ARHGEF12: variants seen among roughly 807,000 people sequenced by gnomAD.
ARHGEF12 encodes Rho guanine nucleotide exchange factor 12.
In ARHGEF12, 66 loss-of-function variants were observed where a neutral mutation model predicts 211.2. The observed-to-expected ratio is 0.31, with a 90% CI of 0.26 to 0.38. The LOEUF is 0.38. Ranked by LOEUF, ARHGEF12 falls within the 10% of genes least tolerant of loss-of-function variation. The probability of loss-of-function intolerance (pLI) is 1.00; values close to 1 mark genes in which losing one functional copy is unlikely to be tolerated. For synonymous variants in ARHGEF12, 592 were observed against 638.4 expected (o/e 0.93, Z 1.09); for missense variants, 1,429 against 1,869.5 (o/e 0.76, Z 4.34).
At chr11:120,453,321 G>A (rs1021157774) in intron 22 of ARHGEF12, among the ~76,000 whole-genome samples, 1 of 152,204 alleles carries the variant, frequency 6.6e-6, no homozygotes, top group African/African-American at 2.4e-5. Context: ...AACATGGTAG[G>A]TGGCGGATGA....
At chr11:120,474,094 G>A (rs1016417486) in intron 31 of ARHGEF12, among the ~76,000 whole-genome samples, 1 of 152,150 alleles carries the variant, frequency 6.6e-6, no homozygotes, top group Non-Finnish European at 1.5e-5. Context: ...TTAATATTTA[G>A]ACCAAGTCTG....
chr11:120,474,725 C>G (rs1946978611), intron 32 of ARHGEF12, 90 bp downstream of exon 32: 1 of 974,438 alleles, frequency 1.0e-6, no homozygotes, highest in Admixed American at 2.5e-5. Flanking sequence ...GAGGAGAGAA[C>G]CATTCTCTCA....
intron 1 of ARHGEF12, among the ~76,000 whole-genome samples, chr11:120,353,205 G>A (rs371915265): frequency 3.9e-5 from 6 of 152,202 alleles, no homozygotes; most frequent in African/African-American, 1.2e-4. Flanking sequence ...AGCATACAGG[G>A]TCATCAATCT....
intron 11 of ARHGEF12, among the ~76,000 whole-genome samples, chr11:120,433,476 G>C (rs995507163): frequency 2.0e-5 from 3 of 152,100 alleles, no homozygotes; most frequent in East Asian, 1.9e-4. Context: ...TTCATGGCTT[G>C]TCCCTACCAT....
At chr11:120,365,184 G>GTATA (rs527262617) in intron 1 of ARHGEF12, among the ~76,000 whole-genome samples, 1 of 151,646 alleles carries the variant, frequency 6.6e-6, no homozygotes, top group South Asian at 2.1e-4. Context: ...TTAACTATGT[G>GTATA]TATATATATA....
chr11:120,445,344 C>G (rs956518563), intron 15 of ARHGEF12, 78 bp from the exon 16 acceptor site: 10 of 1,454,760 alleles, frequency 6.9e-6, no homozygotes, highest in Non-Finnish European at 9.7e-6. Context: ...GTTGTATCCC[C>G]TTACTTTACA....
At chr11:120,479,686 G>T (rs887800860) in intron 37 of ARHGEF12, among the ~76,000 whole-genome samples, 5 of 152,136 alleles carry the variant, frequency 3.3e-5, no homozygotes, top group African/African-American at 4.8e-5. Flanking sequence ...CTAAATAGTA[G>T]TATCTCCCTA....
At chr11:120,461,910 G>T (rs1181502333) in intron 27 of ARHGEF12, among the ~76,000 whole-genome samples, 1 of 152,200 alleles carries the variant, frequency 6.6e-6, no homozygotes, top group Non-Finnish European at 1.5e-5. Context: ...GAATTGAAGA[G>T]AATTAGGGGC....
intron 1 of ARHGEF12, among the ~76,000 whole-genome samples, chr11:120,340,614 AAAAG>A (rs1007130262): frequency 2.6e-5 from 4 of 152,210 alleles, no homozygotes; most frequent in African/African-American, 9.7e-5. Context: ...GATTAAAAAA[AAAAG>A]AGCTACTCAT....
intron 4 of ARHGEF12, among the ~76,000 whole-genome samples, chr11:120,420,534 A>G (rs746231497): frequency 2.6e-4 from 39 of 152,180 alleles, no homozygotes; most frequent in Non-Finnish European, 4.6e-4. Flanking sequence ...GAGCAATTCT[A>G]TTATACTCCG....
At chr11:120,425,238 A>G (rs539591513) in intron 7 of ARHGEF12, among the ~76,000 whole-genome samples, 3 of 152,036 alleles carry the variant, frequency 2.0e-5, no homozygotes, top group African/African-American at 7.2e-5. Flanking sequence ...GGTCATCTGA[A>G]TCTGAGTCAG....
chr11:120,461,738 T>C (rs916278585), intron 27 of ARHGEF12, among the ~76,000 whole-genome samples: 8 of 152,216 alleles, frequency 5.3e-5, no homozygotes, highest in Admixed American at 4.6e-4. Flanking sequence ...CAGGTACGTC[T>C]TCTGGATAAC....
In ARHGEF12 at chr11:120,403,518, GAAA is replaced by G. The variant is rs71473104; in HGVS notation, c.33-2590_33-2588del. On this transcript the variant is annotated intron_variant, in intron 1 of 40. Coordinates refer to ENST00000397843, the MANE Select transcript of ARHGEF12 (RefSeq NM_015313.3). The stretch of plus-strand genomic sequence containing the variant: ...CGAGACTTAATCGAAAAAAGAAAAG[GAAA>G]AAAAAAAAAGGCATCTAGCCACCAT... Among the ~76,000 whole-genome samples the G allele has an allele frequency of 2.7e-3, 367 of 136,660 alleles. 2 individuals are homozygous for G. The highest frequency in any genetic ancestry group is 9.3e-3 in the African/African-American group (347 of 37,510). The allele number at this position is 136,660 out of a possible 152,430, so 89.7% of individuals were successfully genotyped here.
Position 120,433,681 on chromosome 11 carries a change from C to T in ARHGEF12, c.924+1770C>T, listed in dbSNP as rs56676073. Among the ~76,000 whole-genome samples, 386 of 152,222 alleles carry T rather than the reference C, an allele frequency of 2.5e-3. 1 individual carries two copies. The highest frequency in any genetic ancestry group is 8.7e-3 in the African/African-American group (360 of 41,534). On this transcript the variant is annotated intron_variant, in intron 11 of 40. Coordinates refer to ENST00000397843, the MANE Select transcript of ARHGEF12 (RefSeq NM_015313.3). Reference sequence around the variant, plus strand: ...ATAAAAGAGTGAATTGTTGGCTGGGCGCCGTGGATCACGCCTGTAATCCCA... The same window carrying T: ...ATAAAAGAGTGAATTGTTGGCTGGGTGCCGTGGATCACGCCTGTAATCCCA...
At position 120,478,364 on chromosome 11, in the gene ARHGEF12, G is replaced by T. The variant is rs1268565387; in HGVS notation, c.3741G>T (p.Arg1247=). The change falls in exon 37 of 41, where the codon CGG becomes CGT. Residue 1247 remains arginine (R), a synonymous_variant. Coordinates refer to ENST00000397843, the MANE Select transcript of ARHGEF12 (RefSeq NM_015313.3). ...CACACCTGCCTGTCTCAGAAGAACG[G>T]TGGGCATTGGATGCACTAAGAAATT... ...PDSHLPVSEE[R]WALDALRNLG... is the part of the protein sequence containing the mutation. 4 of 1,614,196 alleles carry T rather than the reference G, an allele frequency of 2.5e-6. No individual in the cohort carries two copies. In the African/African-American group the frequency reaches 4.0e-5, roughly 16 times the overall value.
chr11:120,351,914 A>T (rs753754274), intron 1 of ARHGEF12, among the ~76,000 whole-genome samples: 1 of 152,174 alleles, frequency 6.6e-6, no homozygotes, highest in Non-Finnish European at 1.5e-5. Flanking sequence ...TGAGAGGTTC[A>T]CTAATACCCA....
At chr11:120,424,253 T>C in intron 6 of ARHGEF12, 105 bp from the exon 7 acceptor site, 1 of 679,098 alleles carries the variant, frequency 1.5e-6, no homozygotes, top group Non-Finnish European at 2.5e-6. Flanking sequence ...TGTAATGTGA[T>C]TACTATATTA....
intron 1 of ARHGEF12, among the ~76,000 whole-genome samples, chr11:120,340,169 A>G (rs1185076708): frequency 1.3e-5 from 2 of 152,144 alleles, no homozygotes; most frequent in Admixed American, 6.6e-5. Flanking sequence ...ATACATCCTA[A>G]TCGTTTCCAA....
At chr11:120,415,513 T>C (rs1591561886) in intron 4 of ARHGEF12, among the ~76,000 whole-genome samples, 1 of 152,218 alleles carries the variant, frequency 6.6e-6, no homozygotes, top group Non-Finnish European at 1.5e-5. Flanking sequence ...TACAAAGATA[T>C]GATAATGTAG....
Sources: allele counts gnomAD v4.1 joint callset (sites outside exome capture counted in the v4.1 genomes callset), GRCh38; gene constraint gnomAD v4.1.1; transcripts MANE v1.5; gene names NCBI Gene and HGNC (gene_info 2026-07-23, HGNC 2026-07-21).